MAP2K4: variants seen among roughly 807,000 people sequenced by gnomAD.
MAP2K4 encodes mitogen-activated protein kinase kinase 4, also known as dual specificity mitogen-activated protein kinase kinase 4.
MAP2K4 carries 4 observed loss-of-function variants against 48.5 expected under a neutral mutation model. The ratio of observed to expected loss-of-function variants is 0.08; its 90% CI spans 0.04 to 0.19. MAP2K4 has a LOEUF of 0.19. Ranked by LOEUF, MAP2K4 falls within the 10% of genes least tolerant of loss-of-function variation. The pLI, the probability that MAP2K4 is intolerant of heterozygous loss-of-function variation, is 1.00. For missense variants in MAP2K4, 258 were observed against 493.3 expected (o/e 0.52, Z 4.52); for synonymous variants, 166 against 173.1 (o/e 0.96, Z 0.32).
At chr17:12,093,464 G>A (rs768983533) in intron 3 of MAP2K4, among the ~76,000 whole-genome samples, 3 of 152,104 alleles carry the variant, frequency 2.0e-5, no homozygotes, top group Non-Finnish European at 4.4e-5. Context: ...CCAAAAGTCA[G>A]TTATTGATGA....
intron 1 of MAP2K4, among the ~76,000 whole-genome samples, chr17:12,030,106 A>G (rs1331524089): frequency 6.6e-6 from 1 of 152,062 alleles, no homozygotes. Context: ...CCCTTTGAGT[A>G]TGAGCTAGTG....
intron 1 of MAP2K4, among the ~76,000 whole-genome samples, chr17:12,034,576 A>G (rs1048297510): frequency 1.3e-5 from 2 of 152,232 alleles, no homozygotes; most frequent in South Asian, 2.1e-4. Flanking sequence ...TTGGACACCT[A>G]GAAACCATAC....
At chr17:12,100,260 C>A (rs968793975) in intron 4 of MAP2K4, among the ~76,000 whole-genome samples, 2 of 152,198 alleles carry the variant, frequency 1.3e-5, no homozygotes, top group African/African-American at 4.8e-5. Context: ...AACCACTGAC[C>A]TGCTTTATGC....
chr17:12,136,213 A>G (rs1029160519), intron 9 of MAP2K4, among the ~76,000 whole-genome samples: 4 of 152,196 alleles, frequency 2.6e-5, no homozygotes, highest in Admixed American at 2.6e-4. Context: ...CACTCACAAA[A>G]GAAATGAGAA....
intron 4 of MAP2K4, among the ~76,000 whole-genome samples, chr17:12,105,262 C>T (rs919659139): frequency 2.0e-5 from 3 of 152,060 alleles, no homozygotes; most frequent in African/African-American, 4.8e-5. Flanking sequence ...GAGAATTTGA[C>T]GTGCTTCTCA....
At chr17:12,059,918 C>T (rs1034015404) in intron 2 of MAP2K4, among the ~76,000 whole-genome samples, 2 of 152,188 alleles carry the variant, frequency 1.3e-5, no homozygotes, top group African/African-American at 4.8e-5. Context: ...TTGCTCACGC[C>T]TGCAATCCCA....
intron 6 of MAP2K4, among the ~76,000 whole-genome samples, chr17:12,112,539 G>T (rs1281187719): frequency 6.6e-6 from 1 of 151,158 alleles, no homozygotes; most frequent in Non-Finnish European, 1.5e-5. Flanking sequence ...TTCGGTCATG[G>T]TAAGAGATCT....
intron 1 of MAP2K4, among the ~76,000 whole-genome samples, chr17:12,044,493 A>G (rs1014776054): frequency 1.9e-4 from 29 of 152,230 alleles, no homozygotes; most frequent in African/African-American, 6.8e-4. Flanking sequence ...TACTTATAAC[A>G]TTATAAACTT....
intron 3 of MAP2K4, among the ~76,000 whole-genome samples, chr17:12,085,098 T>C (rs184991110): frequency 1.6e-4 from 25 of 152,330 alleles, no homozygotes; most frequent in African/African-American, 5.8e-4. Context: ...TGTTGTTTTC[T>C]AGCAGACTCA....
chr17:12,084,425 A>G (rs1244022602), intron 3 of MAP2K4, among the ~76,000 whole-genome samples: 1 of 152,166 alleles, frequency 6.6e-6, no homozygotes, highest in Non-Finnish European at 1.5e-5. Context: ...AGTAATTTGT[A>G]TACTTGTGCC....
chr17:12,075,110 A>AT, intron 2 of MAP2K4, among the ~76,000 whole-genome samples: 1 of 152,210 alleles, frequency 6.6e-6, no homozygotes, highest in Non-Finnish European at 1.5e-5. Context: ...TCCAAACAAG[A>AT]TATCTTGCAG....
At chr17:12,107,239 G>A (rs906552108) in intron 4 of MAP2K4, among the ~76,000 whole-genome samples, 4 of 152,148 alleles carry the variant, frequency 2.6e-5, no homozygotes, top group Admixed American at 2.0e-4. Context: ...GATGATGAAG[G>A]CTTTACAGAA....
chr17:12,066,797 C>T (rs936810439), intron 2 of MAP2K4, among the ~76,000 whole-genome samples: 4 of 152,190 alleles, frequency 2.6e-5, no homozygotes, highest in African/African-American at 9.6e-5. Flanking sequence ...TCACGCCATT[C>T]TCCTGCCTCA....
chr17:12,052,589 A>G (rs910628670), intron 1 of MAP2K4, among the ~76,000 whole-genome samples: 7 of 152,280 alleles, frequency 4.6e-5, no homozygotes, highest in South Asian at 2.1e-4. Flanking sequence ...AGTTTTCACA[A>G]TAGTTCTTTG....
chr17:12,088,370 A>G (rs967001107), intron 3 of MAP2K4, among the ~76,000 whole-genome samples: 8 of 147,124 alleles, frequency 5.4e-5, no homozygotes, highest in Admixed American at 4.8e-4. Flanking sequence ...GATCACAGAA[A>G]CTGGATGCGT....
In MAP2K4 at chr17:12,085,977, A is replaced by G. The variant is rs924367459; in HGVS notation, c.393+4447A>G. On this transcript the variant is annotated intron_variant, in intron 3 of 10. Transcript: ENST00000353533. ...TCAGTGGGGATTATGATGATGAATA[A>G]TGATTTGAGGAGGTTCATTTTAGTG... is the stretch of plus-strand genomic sequence containing the variant. Among the ~76,000 whole-genome samples, 5 of 152,304 alleles carry G rather than the reference A, an allele frequency of 3.3e-5. No homozygotes were observed. The East Asian group carries it at 9.7e-4, about 29-fold the overall frequency.
At chr17:12,110,257 A>G in intron 5 of MAP2K4, 118 bp from the exon 6 acceptor site, 1 of 704,326 alleles carries the variant, frequency 1.4e-6, no homozygotes, top group Non-Finnish European at 2.5e-6. Context: ...AAAATATTGA[A>G]ATATTAAGCT....
rs1969470576 is a variant in MAP2K4, at chr17:12,032,456, T to C, written c.115+11455T>C. Among the ~76,000 whole-genome samples, 3 of 152,152 alleles carry C rather than the reference T, an allele frequency of 2.0e-5. No individual in the cohort carries two copies. The South Asian group carries it at 6.2e-4, about 31-fold the overall frequency. ...CTTCTTCCAAATATTAAAAAAATTA[T>C]ATTCTTGATTGTAAATTGTACTTTT... On this transcript the variant is annotated intron_variant, in intron 1 of 10. Coordinates refer to ENST00000353533, the MANE Select transcript of MAP2K4 (RefSeq NM_003010.4).
intron 2 of MAP2K4, among the ~76,000 whole-genome samples, chr17:12,074,111 A>AT (rs1468450836): frequency 2.0e-5 from 3 of 151,128 alleles, no homozygotes; most frequent in Non-Finnish European, 4.4e-5. Context: ...TGATTTGGTT[A>AT]TTTTTTCTGT....
Sources: gnomAD v4.1 joint callset for allele counts (sites outside exome capture counted in the v4.1 genomes callset) on GRCh38, gnomAD v4.1.1 for gene constraint, MANE v1.5 for transcripts, NCBI Gene and HGNC (gene_info 2026-07-23, HGNC 2026-07-21) for gene names.